The following PLIN3 variants were observed in gnomAD, a reference collection of about 807,000 sequenced individuals.
PLIN3 encodes the protein perilipin-3.
Under a neutral mutation model 35.9 loss-of-function variants are expected in PLIN3, and 30 were observed. The observed-to-expected ratio is 0.84, with a 90% CI of 0.62 to 1.13. PLIN3 has a LOEUF of 1.13. Among genes scored for constraint, PLIN3 ranks in the 50% most tolerant of loss-of-function variants. The pLI is 0.00. For synonymous variants in PLIN3, 261 were observed against 262.5 expected, an observed-to-expected ratio of 0.99 and a Z score of 0.06; for missense variants, 603 against 596.9, an observed-to-expected ratio of 1.01 and a Z score of -0.11.
rs1051567672 is a variant in PLIN3, at chr19:4,850,776, G to T, written c.634+1240C>A. 3.3e-5 allele frequency among the ~76,000 whole-genome samples: 5 copies of T among 151,232 alleles called. 1 individual carries two copies. Among genetic ancestry groups the T allele is most frequent in the Non-Finnish European group, 7.4e-5 (5 of 67,892 alleles). The stretch of plus-strand genomic sequence containing the variant: ...AGTAGAGACCGGGTTTCACCATGTT[G>T]GCCAGGCTTGTCTCAAACTCTTGAC... On this transcript the variant is annotated intron_variant, in intron 5 of 7. Transcript: ENST00000221957.
intron 1 of PLIN3, among the ~76,000 whole-genome samples, chr19:4,864,097 TAGTGTGTGTGTGTGTG>T (rs2030763366): frequency 1.8e-5 from 2 of 111,742 alleles, no homozygotes; most frequent in South Asian, 3.7e-4. Context: ...CACACCTGGC[TAGTGTGTGTGTGTGTG>T]TGTGTGTGTG....
intron 6 of PLIN3, among the ~76,000 whole-genome samples, chr19:4,846,670 G>A (rs935606692): frequency 2.6e-5 from 4 of 151,982 alleles, no homozygotes; most frequent in African/African-American, 9.7e-5. Flanking sequence ...CTACACTCCC[G>A]CCTGGGCAAC....
At chr19:4,861,487 C>T (rs954635309) in intron 1 of PLIN3, 76 bp from the exon 2 acceptor site, 29 of 1,030,464 alleles carry the variant, frequency 2.8e-5, no homozygotes, top group Non-Finnish European at 3.6e-5. Context: ...CACGCTGCAG[C>T]TGGAAGACAG....
intron 5 of PLIN3, among the ~76,000 whole-genome samples, chr19:4,850,582 G>A (rs796763225): frequency 3.8e-4 from 54 of 143,202 alleles, no homozygotes; most frequent in African/African-American, 1.4e-3. Context: ...CACCACGCCC[G>A]GCTAATTTTT....
At position 4,861,219 on chromosome 19, in the gene PLIN3, G is replaced by C. The variant is rs116096561; in HGVS notation, c.66+110C>G. ...CTGAGGAATAAATCCCTCTGGCTCC[G>C]TGAGCTGCCGGCAGATCCCTGGCTC... On this transcript the variant is annotated intron_variant, in intron 2 of 7. Transcript: ENST00000221957. 2.1e-3 allele frequency: 1,853 copies of C among 888,316 alleles called. 32 individuals are homozygous for C. In the African/African-American group the frequency reaches 0.027, roughly 13 times the overall value. 55.0% of individuals were successfully genotyped at this position (888,316 alleles called of 1,614,324 possible). A position where few individuals can be genotyped will look rare whatever the true frequency, so the allele number is the denominator to read the frequency against.
intron 1 of PLIN3, among the ~76,000 whole-genome samples, chr19:4,865,973 T>C (rs2030840706): frequency 6.6e-6 from 1 of 150,906 alleles, no homozygotes; most frequent in Non-Finnish European, 1.5e-5. Flanking sequence ...TCCGCCCGCC[T>C]CGGCCTCCGA....
At chr19:4,844,936 T>C in intron 6 of PLIN3, 143 bp from the exon 7 acceptor site, 1 of 943,334 alleles carries the variant, frequency 1.1e-6, no homozygotes, top group Non-Finnish European at 1.5e-6. Flanking sequence ...AAGGGTTTCC[T>C]GGCTACGGTG....
intron 1 of PLIN3, among the ~76,000 whole-genome samples, chr19:4,863,818 A>C (rs141701246): frequency 0.099 from 14,361 of 144,806 alleles, 955 homozygotes; most frequent in East Asian, 0.3. Context: ...ACAGAGCGAG[A>C]CTCCATCTCA....
intron 4 of PLIN3, among the ~76,000 whole-genome samples, chr19:4,855,256 A>AG (rs1273539731): frequency 7.4e-5 from 11 of 149,576 alleles, no homozygotes; most frequent in African/African-American, 2.7e-4. Flanking sequence ...TCTGAAAAAA[A>AG]AAAAAAAAAA....
chr19:4,859,910 C>G lies in PLIN3; in HGVS notation c.181G>C (p.Asp61His). The G allele has an allele frequency of 2.5e-6, 4 of 1,614,000 alleles. No individual in the cohort carries two copies. Among genetic ancestry groups the G allele is most frequent in the Non-Finnish European group, 3.4e-6 (4 of 1,180,014 alleles). Residue 61 changes from aspartate to histidine, a missense_variant, in exon 3 of 8, where the codon GAC becomes CAC. Coordinates refer to ENST00000221957, the MANE Select transcript of PLIN3 (RefSeq NM_005817.5). ...GTCCTCACTCCCTTCTCTGCTGCGTCGCAGACAGTCTTGATGTGCGGGTAG... is the reference window on the plus strand; with the variant it reads ...GTCCTCACTCCCTTCTCTGCTGCGTGGCAGACAGTCTTGATGTGCGGGTAG... Reference protein sequence around the residue: ...ESYPHIKTVCDAAEKGVRTLT... With the variant: ...ESYPHIKTVCHAAEKGVRTLT...
intron 1 of PLIN3, among the ~76,000 whole-genome samples, chr19:4,862,414 G>A (rs542675197): frequency 1.7e-4 from 26 of 152,212 alleles, no homozygotes; most frequent in Non-Finnish European, 3.2e-4. Context: ...TTATAGGTGT[G>A]AGCCATTGTG....
chr19:4,852,109 A>G lies in PLIN3; in HGVS notation c.541T>C (p.Leu181=). The change falls in exon 5 of 8, where the codon TTG becomes CTG. Residue 181 remains leucine, a synonymous_variant. Coordinates refer to ENST00000221957, the MANE Select transcript of PLIN3 (RefSeq NM_005817.5). ...GGVQSVMGSR[L]GQMVLSGVDT... is the part of the protein sequence containing the mutation. ...ACCCCACTCAACACCATCTGGCCCA[A>G]GCGGGAGCCCATGACCGATTGGACG... The G allele has an allele frequency of 6.2e-7, 1 of 1,614,004 alleles. No individual in the cohort carries two copies. The highest frequency in any genetic ancestry group is 8.5e-7 in the Non-Finnish European group (1 of 1,179,954).
At chr19:4,847,642 T>C (rs1220044182) in intron 6 of PLIN3, 49 bp downstream of exon 6, 9 of 1,489,370 alleles carry the variant, frequency 6.0e-6, no homozygotes, top group African/African-American at 1.4e-5. Flanking sequence ...GGGTGTCTGC[T>C]GCGGGGTGAA....
rs1172963843 is a variant in PLIN3 at position 4,864,098 on chromosome 19, A to AATATGT, written c.-17-2688_-17-2687insACATAT. Among the ~76,000 whole-genome samples, 10 of 125,388 alleles carry AATATGT rather than the reference A, an allele frequency of 8.0e-5. No individual in the cohort carries two copies. In the East Asian group the frequency reaches 2.3e-3, roughly 29 times the overall value. The allele number at this position is 125,388 out of a possible 152,430, so 82.3% of individuals were successfully genotyped here. A position where few individuals can be genotyped will look rare whatever the true frequency, so the allele number is the denominator to read the frequency against. On this transcript the variant is annotated intron_variant, in intron 1 of 7. Transcript: ENST00000221957. ...CAGGCACGCACCACCACACCTGGCT[A>AATATGT]GTGTGTGTGTGTGTGTGTGTGTGTG...
intron 4 of PLIN3, among the ~76,000 whole-genome samples, chr19:4,855,122 C>T (rs969317070): frequency 1.3e-5 from 2 of 151,764 alleles, no homozygotes; most frequent in African/African-American, 2.4e-5. Context: ...TAGTGATGGG[C>T]GCCTATAATC....
chr19:4,839,248 GCCA>G lies in PLIN3; in HGVS notation c.1246_1248del (p.Trp416del). ...ATTCCAGGGGCAAAGGGTCCCACGA[GCCA>G]CGTGACAGGTGTGTTCTGGGCCACA... On this transcript the variant is annotated inframe_deletion, in exon 8 of 8. Coordinates refer to ENST00000221957, the MANE Select transcript of PLIN3 (RefSeq NM_005817.5). 6.2e-7 allele frequency: 1 copy of G among 1,611,652 alleles called. No individual in the cohort carries two copies. Among genetic ancestry groups the G allele is most frequent in the East Asian group, 2.2e-5 (1 of 44,774 alleles).
intron 7 of PLIN3, among the ~76,000 whole-genome samples, chr19:4,840,761 A>G (rs1362164852): frequency 3.3e-5 from 5 of 152,154 alleles, no homozygotes; most frequent in East Asian, 1.9e-4. Flanking sequence ...CCTGACCAAC[A>G]TGGCGAAACC....
Position 4,844,710 on chromosome 19 carries a change from C to CT in PLIN3, c.917dup (p.Lys307GlufsTer86), listed in dbSNP as rs777104637. ...CCTTCTCGGGGCCCTGGAGCTGCTT[C>CT]TGGTTCCAGCTGAGCCACATCTGGT... is the stretch of plus-strand genomic sequence containing the variant. On this transcript the variant is annotated frameshift_variant, in exon 7 of 8. Coordinates refer to ENST00000221957, the MANE Select transcript of PLIN3 (RefSeq NM_005817.5). LOFTEE classifies it low-confidence loss of function (END_TRUNC). 2.5e-6 allele frequency: 4 copies of CT among 1,608,506 alleles called. No individual in the cohort carries two copies. Among genetic ancestry groups the CT allele is most frequent in the Non-Finnish European group, 3.4e-6 (4 of 1,177,844 alleles).
chr19:4,865,760 G>A (rs2030828915), intron 1 of PLIN3, among the ~76,000 whole-genome samples: 1 of 76,566 alleles, frequency 1.3e-5, no homozygotes, highest in Admixed American at 2.0e-4. Context: ...GTCTCGCCCT[G>A]TCGCCCACGC....
Sources: gnomAD v4.1 joint callset for allele counts (sites outside exome capture counted in the v4.1 genomes callset) on GRCh38, gnomAD v4.1.1 for gene constraint, MANE v1.5 for transcripts, NCBI Gene and HGNC (gene_info 2026-07-23, HGNC 2026-07-21) for gene names.